Variants in DLGAP1 observed in about 807,000 individuals in gnomAD.
DLGAP1 encodes DLG associated protein 1.
DLGAP1 carries 11 observed loss-of-function variants against 90.8 expected under a neutral mutation model. That is an observed-to-expected ratio of 0.12 (90% CI 0.08 to 0.20). The LOEUF (loss-of-function observed/expected upper bound fraction) is 0.20, where lower values mean the gene tolerates loss of function less well. Among genes scored for constraint, DLGAP1 ranks in the 10% least tolerant of loss-of-function variants. The probability of loss-of-function intolerance (pLI) is 1.00; values close to 1 mark genes in which losing one functional copy is unlikely to be tolerated. For synonymous variants in DLGAP1, 558 were observed against 540.7 expected (o/e 1.03, Z -0.44); for missense variants, 1,050 against 1,333.8 (o/e 0.79, Z 3.31).
intron 1 of DLGAP1, among the ~76,000 whole-genome samples, chr18:4,381,195 G>A (rs1399997987): frequency 2.0e-5 from 3 of 152,140 alleles, no homozygotes; most frequent in African/African-American, 7.2e-5. Context: ...CTAGAAGTTT[G>A]ACTTTGTATG....
chr18:3,742,500 T>C lies in DLGAP1; in HGVS notation c.1185A>G (p.Glu395=). ...TELTTLKISN[E]HSPKLQIRSH... is the part of the protein sequence containing the mutation. ...TCCGGATCTGGAGTTTGGGTGAGTG[T>C]TCATTGGAGATTCTGGAAGGGAACA... Residue 395 remains glutamate, a synonymous_variant, in exon 6 of 13, where the codon GAA becomes GAG. Transcript: ENST00000315677. 2 of 1,614,084 alleles carry C rather than the reference T, an allele frequency of 1.2e-6. No individual in the cohort carries two copies. Among genetic ancestry groups the C allele is most frequent in the Non-Finnish European group, 1.7e-6 (2 of 1,179,996 alleles).
At chr18:4,283,729 C>G (rs927430851) in intron 1 of DLGAP1, among the ~76,000 whole-genome samples, 1 of 152,154 alleles carries the variant, frequency 6.6e-6, no homozygotes, top group Non-Finnish European at 1.5e-5. Context: ...AATTCATAGA[C>G]AGATTTTGCC....
At chr18:4,233,516 A>G (rs1175100751) in intron 1 of DLGAP1, among the ~76,000 whole-genome samples, 1 of 152,134 alleles carries the variant, frequency 6.6e-6, no homozygotes, top group Non-Finnish European at 1.5e-5. Context: ...TTATATCAAC[A>G]TGATTTATCA....
chr18:3,849,723 C>T (rs555892390), intron 4 of DLGAP1, among the ~76,000 whole-genome samples: 1 of 152,142 alleles, frequency 6.6e-6, no homozygotes, highest in Non-Finnish European at 1.5e-5. Flanking sequence ...TTTATCTCAC[C>T]ACTGAACAAT....
intron 1 of DLGAP1, among the ~76,000 whole-genome samples, chr18:4,295,736 C>T (rs1043546259): frequency 1.3e-5 from 2 of 152,184 alleles, no homozygotes; most frequent in Admixed American, 6.5e-5. Flanking sequence ...ATAATACCTA[C>T]CTCTTAGCAC....
chr18:3,717,014 A>G (rs58234451), intron 7 of DLGAP1, among the ~76,000 whole-genome samples: 34,300 of 138,182 alleles, frequency 0.25, 4,380 homozygotes, highest in East Asian at 0.48. Flanking sequence ...TATGGCTTGG[A>G]GCGGTGCAAA....
At chr18:3,670,378 A>G (rs1300071773) in intron 7 of DLGAP1, among the ~76,000 whole-genome samples, 1 of 152,278 alleles carries the variant, frequency 6.6e-6, no homozygotes, top group Non-Finnish European at 1.5e-5. Context: ...AAAGACGTGC[A>G]ATCACCAATG....
At chr18:3,972,242 T>A (rs2073465384) in intron 3 of DLGAP1, among the ~76,000 whole-genome samples, 1 of 152,194 alleles carries the variant, frequency 6.6e-6, no homozygotes, top group African/African-American at 2.4e-5. Context: ...CCGGGCATGG[T>A]GGCTCATGCC....
At chr18:3,843,402 T>A (rs2148646848) in intron 4 of DLGAP1, among the ~76,000 whole-genome samples, 1 of 152,324 alleles carries the variant, frequency 6.6e-6, no homozygotes, top group South Asian at 2.1e-4. Flanking sequence ...GCTCTGCTGG[T>A]ATAAAAATCT....
At chr18:4,124,910 T>C (rs2076209013) in intron 2 of DLGAP1, among the ~76,000 whole-genome samples, 1 of 152,098 alleles carries the variant, frequency 6.6e-6, no homozygotes, top group South Asian at 2.1e-4. Flanking sequence ...CTGGAGACCA[T>C]CCACCACTAG....
intron 7 of DLGAP1, chr18:3,679,727 C>T (rs190743067): frequency 6.6e-6 from 1 of 151,596 alleles, no homozygotes; most frequent in African/African-American, 2.4e-5. Flanking sequence ...ATTGTTGAGC[C>T]CAGGAGTTTG....
chr18:4,190,819 G>T (rs1246581341), intron 1 of DLGAP1, among the ~76,000 whole-genome samples: 1 of 151,912 alleles, frequency 6.6e-6, no homozygotes, highest in African/African-American at 2.4e-5. Flanking sequence ...AAGTTCCAAG[G>T]ACTATAATAT....
At chr18:3,594,856 G>T (rs1213708715) in intron 7 of DLGAP1, among the ~76,000 whole-genome samples, 1 of 152,146 alleles carries the variant, frequency 6.6e-6, no homozygotes, top group Non-Finnish European at 1.5e-5. Context: ...ATTTTTATCT[G>T]AAGTTGTACT....
In DLGAP1 at chr18:3,889,454, T is replaced by G. The variant is rs576008397; in HGVS notation, c.-72-9314A>C. 3.9e-5 allele frequency among the ~76,000 whole-genome samples: 6 copies of G among 152,328 alleles called. No individual in the cohort carries two copies. In the East Asian group the frequency reaches 1.2e-3, roughly 29 times the overall value. On this transcript the variant is annotated intron_variant, in intron 3 of 12. Transcript: ENST00000315677. ...ATATATTTACCTGAATCAAATTTTC[T>G]CTTATAAAGTCTCTTTCTTTAAAAG...
At chr18:4,367,977 T>G (rs1045026866) in intron 1 of DLGAP1, among the ~76,000 whole-genome samples, 6 of 152,176 alleles carry the variant, frequency 3.9e-5, no homozygotes, top group African/African-American at 1.4e-4. Context: ...TGAATCTTGT[T>G]TTATCAACAT....
At chr18:3,858,492 G>A (rs1021275006) in intron 4 of DLGAP1, among the ~76,000 whole-genome samples, 6 of 126,470 alleles carry the variant, frequency 4.7e-5, no homozygotes, top group East Asian at 2.3e-4. Context: ...ATATATATAC[G>A]TGTATATATA....
At chr18:3,939,594 C>T (rs1344811559) in intron 3 of DLGAP1, among the ~76,000 whole-genome samples, 2 of 152,280 alleles carry the variant, frequency 1.3e-5, no homozygotes, top group East Asian at 3.9e-4. Context: ...CATTAAACCT[C>T]ATGTATCTTA....
chr18:4,129,830 G>A (rs946229164), intron 2 of DLGAP1, among the ~76,000 whole-genome samples: 2 of 152,112 alleles, frequency 1.3e-5, no homozygotes, highest in Non-Finnish European at 2.9e-5. Flanking sequence ...AGGAATAACA[G>A]GAATATATAA....
intron 9 of DLGAP1, among the ~76,000 whole-genome samples, chr18:3,540,019 TA>T (rs138670433): frequency 0.029 from 4,439 of 152,310 alleles, 201 homozygotes; most frequent in African/African-American, 0.1. Context: ...AGGCTGAATA[TA>T]TGTGGGATCT....
Sources: allele counts gnomAD v4.1 joint callset (sites outside exome capture counted in the v4.1 genomes callset), GRCh38; gene constraint gnomAD v4.1.1; transcripts MANE v1.5; gene names NCBI Gene and HGNC (gene_info 2026-07-23, HGNC 2026-07-21).